ITFG1: variants seen among roughly 807,000 people sequenced by gnomAD.
ITFG1 encodes T-cell immunomodulatory protein.
ITFG1 carries 34 observed loss-of-function variants against 81.8 expected under a neutral mutation model. The ratio of observed to expected loss-of-function variants is 0.42; its 90% CI spans 0.32 to 0.55. The LOEUF is 0.55. Ranked by LOEUF, ITFG1 falls within the 20% of genes least tolerant of loss-of-function variation. ITFG1 has a pLI of 0.17. For synonymous variants in ITFG1, 285 were observed against 270.6 expected, an observed-to-expected ratio of 1.05 and a Z score of -0.52; for missense variants, 672 against 755.4, an observed-to-expected ratio of 0.89 and a Z score of 1.29.
At position 47,435,001 on chromosome 16, in the gene ITFG1, G is replaced by A. The variant is rs545986899; in HGVS notation, c.561-6103C>T. ...GAGAACACATGGACACATAGGGTGC[G>A]GGGAACAGCACAAACTGGGGCTTTT... On this transcript the variant is annotated intron_variant, in intron 5 of 17. Coordinates refer to ENST00000320640, the MANE Select transcript of ITFG1 (RefSeq NM_030790.5). Among the ~76,000 whole-genome samples the A allele has an allele frequency of 7.9e-4, 120 of 152,176 alleles. 1 individual carries two copies. The highest frequency in any genetic ancestry group is 2.3e-3 in the South Asian group (11 of 4,822).
intron 6 of ITFG1, among the ~76,000 whole-genome samples, chr16:47,380,691 C>T (rs114183931): frequency 1.3e-5 from 2 of 152,138 alleles, no homozygotes; most frequent in Non-Finnish European, 2.9e-5. Flanking sequence ...CTATATTGGA[C>T]CCCTTTCACC....
intron 5 of ITFG1, among the ~76,000 whole-genome samples, chr16:47,441,448 G>A (rs1008931386): frequency 5.3e-5 from 8 of 152,138 alleles, no homozygotes; most frequent in East Asian, 3.9e-4. Flanking sequence ...CTGGCAAACC[G>A]AATCCAACAA....
At chr16:47,254,352 A>T (rs1966115718) in intron 12 of ITFG1, among the ~76,000 whole-genome samples, 1 of 152,102 alleles carries the variant, frequency 6.6e-6, no homozygotes, top group African/African-American at 2.4e-5. Context: ...CTTTTGCCTC[A>T]CCCTGAGAAC....
chr16:47,439,026 T>C (rs1381427535), intron 5 of ITFG1, among the ~76,000 whole-genome samples: 2 of 152,078 alleles, frequency 1.3e-5, no homozygotes, highest in Non-Finnish European at 2.9e-5. Context: ...GCACGAGAAC[T>C]ACGTGACGAA....
At chr16:47,159,513 T>A (rs925285627) in intron 16 of ITFG1, among the ~76,000 whole-genome samples, 2 of 152,140 alleles carry the variant, frequency 1.3e-5, no homozygotes, top group Non-Finnish European at 2.9e-5. Context: ...CATGTTGGAG[T>A]GTTTACATTA....
chr16:47,371,852 G>A (rs1288193467), intron 7 of ITFG1, among the ~76,000 whole-genome samples: 1 of 151,680 alleles, frequency 6.6e-6, no homozygotes, highest in Non-Finnish European at 1.5e-5. Context: ...AAATGGTGAT[G>A]TGCCAACGCT....
intron 2 of ITFG1, among the ~76,000 whole-genome samples, chr16:47,455,135 C>G (rs533303150): frequency 6.6e-6 from 1 of 152,164 alleles, no homozygotes; most frequent in African/African-American, 2.4e-5. Flanking sequence ...CAGCTCTACC[C>G]TATTTCTAGA....
intron 6 of ITFG1, among the ~76,000 whole-genome samples, chr16:47,377,270 T>C (rs186468356): frequency 2.6e-4 from 39 of 152,294 alleles, no homozygotes; most frequent in Admixed American, 6.5e-4. Context: ...TAGCTCTGTA[T>C]TTATTTCCAC....
chr16:47,321,259 G>C (rs1372127022), intron 8 of ITFG1, among the ~76,000 whole-genome samples: 1 of 152,136 alleles, frequency 6.6e-6, no homozygotes, highest in East Asian at 1.9e-4. Context: ...TTTCTATGCA[G>C]AATCTCTGAA....
chr16:47,401,683 T>C (rs542361070), intron 6 of ITFG1, among the ~76,000 whole-genome samples: 1 of 152,162 alleles, frequency 6.6e-6, no homozygotes, highest in Non-Finnish European at 1.5e-5. Context: ...ATGGAACAGA[T>C]AAATATTAAA....
At chr16:47,251,771 G>A (rs906682526) in intron 12 of ITFG1, among the ~76,000 whole-genome samples, 1 of 152,158 alleles carries the variant, frequency 6.6e-6, no homozygotes, top group Non-Finnish European at 1.5e-5. Flanking sequence ...GGCATAGTAA[G>A]AGACTAACAA....
chr16:47,332,661 T>A (rs1368677871), intron 8 of ITFG1, among the ~76,000 whole-genome samples: 2 of 152,176 alleles, frequency 1.3e-5, no homozygotes, highest in Admixed American at 6.5e-5. Context: ...ATTTTATAGA[T>A]GAGAAAATGG....
intron 6 of ITFG1, among the ~76,000 whole-genome samples, chr16:47,424,771 A>G (rs1287737321): frequency 1.1e-4 from 16 of 152,158 alleles, no homozygotes; most frequent in Admixed American, 1.0e-3. Context: ...AAGGCTGCAG[A>G]ACAGCAAATA....
intron 10 of ITFG1, among the ~76,000 whole-genome samples, chr16:47,276,165 T>C (rs1966396397): frequency 6.6e-6 from 1 of 152,114 alleles, no homozygotes; most frequent in African/African-American, 2.4e-5. Context: ...CAAGAGAATA[T>C]GCCAATTATT....
At chr16:47,446,897 CT>C (rs970090203) in intron 5 of ITFG1, among the ~76,000 whole-genome samples, 25 of 151,200 alleles carry the variant, frequency 1.7e-4, no homozygotes, top group Non-Finnish European at 2.2e-4. Context: ...GCGTCTCACT[CT>C]GTTGCCCAGG....
At chr16:47,403,596 T>C (rs1596960540) in intron 6 of ITFG1, among the ~76,000 whole-genome samples, 1 of 152,152 alleles carries the variant, frequency 6.6e-6, no homozygotes, top group South Asian at 2.1e-4. Context: ...CATTATGCAA[T>C]TACCATTAAT....
intron 6 of ITFG1, among the ~76,000 whole-genome samples, chr16:47,419,952 C>T (rs1373459027): frequency 1.3e-5 from 2 of 150,500 alleles, no homozygotes. Flanking sequence ...TCTTTATCTT[C>T]TCTTTTTTTT....
At chr16:47,426,501 G>A (rs980217507) in intron 6 of ITFG1, among the ~76,000 whole-genome samples, 1 of 147,456 alleles carries the variant, frequency 6.8e-6, no homozygotes, top group Non-Finnish European at 1.5e-5. Flanking sequence ...CCTTATTATT[G>A]AGGTTTTCAT....
chr16:47,417,285 T>C (rs1352174815), intron 6 of ITFG1, among the ~76,000 whole-genome samples: 2 of 152,246 alleles, frequency 1.3e-5, no homozygotes. Flanking sequence ...ATAATTGCTA[T>C]ACATTTTATA....
Sources: gnomAD v4.1 joint callset for allele counts (sites outside exome capture counted in the v4.1 genomes callset) on GRCh38, gnomAD v4.1.1 for gene constraint, MANE v1.5 for transcripts, NCBI Gene and HGNC (gene_info 2026-07-23, HGNC 2026-07-21) for gene names.